DENND2B: variants seen among roughly 807,000 people sequenced by gnomAD.
The protein encoded by DENND2B is DENN domain-containing protein 2B.
DENND2B carries 32 observed loss-of-function variants against 116.0 expected under a neutral mutation model. The observed-to-expected ratio is 0.28, with a 90% confidence interval of 0.21 to 0.37. The LOEUF (loss-of-function observed/expected upper bound fraction) is 0.37. DENND2B is among the 10% of genes least tolerant of loss of function. The pLI, the probability that DENND2B is intolerant of heterozygous loss-of-function variation, is 1.00. For synonymous variants in DENND2B, 588 were observed against 583.9 expected (o/e 1.01, Z -0.10); for missense variants, 1,276 against 1,477.7 (o/e 0.86, Z 2.24).
intron 2 of DENND2B, among the ~76,000 whole-genome samples, chr11:8,747,616 A>G (rs917858803): frequency 2.0e-5 from 3 of 152,230 alleles, no homozygotes; most frequent in Admixed American, 1.3e-4. Context: ...AGTGGGATGC[A>G]GCCATATCTT....
chr11:8,773,799 A>G (rs534619231), intron 1 of DENND2B, among the ~76,000 whole-genome samples: 3 of 150,856 alleles, frequency 2.0e-5, no homozygotes, highest in South Asian at 2.1e-4. Flanking sequence ...GAAAAGGAGG[A>G]AAAAAAAAAT....
chr11:8,859,300 T>C (rs1025737472), intron 2 of DENND2B, among the ~76,000 whole-genome samples: 10 of 146,526 alleles, frequency 6.8e-5, no homozygotes, highest in Admixed American at 1.3e-4. Context: ...GTTTTTTTGT[T>C]TGTTTGTTTG....
chr11:8,856,614 G>T (rs1438806470), intron 3 of DENND2B, among the ~76,000 whole-genome samples: 1 of 152,132 alleles, frequency 6.6e-6, no homozygotes, highest in Admixed American at 6.5e-5. Flanking sequence ...TTGGTTGGAA[G>T]TCCCTGGATG....
At chr11:8,694,769 T>C (rs370344256) in intron 19 of DENND2B, 3 of 357,058 alleles carry the variant, frequency 8.4e-6, no homozygotes, top group South Asian at 2.2e-5. Context: ...CAGTATAATA[T>C]CTATTTACAG....
upstream of DENND2B, among the ~76,000 whole-genome samples, chr11:8,814,702 A>T: frequency 6.6e-6 from 1 of 152,220 alleles, no homozygotes; most frequent in East Asian, 1.9e-4. Flanking sequence ...CTTCCCTCAG[A>T]AGAGTTCCTT....
At chr11:8,725,711 T>C (rs1235161088) in intron 4 of DENND2B, among the ~76,000 whole-genome samples, 2 of 152,242 alleles carry the variant, frequency 1.3e-5, no homozygotes, top group African/African-American at 4.8e-5. Context: ...CATCATGTTA[T>C]AAGAGAAAAA....
At chr11:8,811,475 G>A (rs2061370635), upstream of DENND2B, 1 of 394,804 alleles carries the variant, frequency 2.5e-6, no homozygotes. Flanking sequence ...TAAGGTGCAG[G>A]CTTAGTGGGA....
At chr11:8,746,950 A>G (rs1156356106) in intron 2 of DENND2B, among the ~76,000 whole-genome samples, 2 of 152,226 alleles carry the variant, frequency 1.3e-5, no homozygotes, top group Non-Finnish European at 1.5e-5. Context: ...TCTGTAAATC[A>G]AATGGGTTGG....
rs911381037 is a variant in DENND2B at position 8,726,441 on chromosome 11, A to G, written c.1341-232T>C. 1.8e-5 allele frequency: 8 copies of G among 446,314 alleles called. No individual in the cohort carries two copies. In the South Asian group the frequency reaches 2.9e-4, roughly 16 times the overall value. 27.6% of individuals were successfully genotyped at this position (446,314 alleles called of 1,614,324 possible). On this transcript the variant is annotated intron_variant, in intron 3 of 19. Transcript: ENST00000313726. ...TCCTGAATAATACCGCTATTAGATA[A>G]CAACTACCCCAGCTTAAAAGCATGC...
At chr11:8,896,448 AC>A (rs1488260141) in intron 1 of DENND2B, among the ~76,000 whole-genome samples, 1 of 152,168 alleles carries the variant, frequency 6.6e-6, no homozygotes, top group African/African-American at 2.4e-5. Context: ...AAATACTGTG[AC>A]CTTTTTTAGG....
intron 4 of DENND2B, among the ~76,000 whole-genome samples, chr11:8,838,341 G>C (rs2062507202): frequency 6.6e-6 from 1 of 152,150 alleles, no homozygotes; most frequent in Admixed American, 6.6e-5. Context: ...CCTTGCGCAA[G>C]ATCCCACCAC....
At chr11:8,740,848 T>C (rs2050069366) in intron 2 of DENND2B, among the ~76,000 whole-genome samples, 1 of 152,234 alleles carries the variant, frequency 6.6e-6, no homozygotes, top group Non-Finnish European at 1.5e-5. Context: ...ATTCTGGGGA[T>C]GGCATTCTCA....
At chr11:8,910,710 G>GTGTGTGTT in intron 1 of DENND2B, 1 of 18,736 alleles carries the variant, frequency 5.3e-5, no homozygotes, top group Non-Finnish European at 1.4e-4. Context: ...CTCCTGGCTA[G>GTGTGTGTT]TGTGTGTGTG....
chr11:8,818,290 T>G (rs1021509350), intron 4 of DENND2B, among the ~76,000 whole-genome samples: 3 of 148,384 alleles, frequency 2.0e-5, no homozygotes, highest in Non-Finnish European at 4.5e-5. Context: ...ATAATAGGCT[T>G]TCCAAGCTTA....
At chr11:8,871,388 C>G (rs1420666623), upstream of DENND2B, 1 of 152,218 alleles carries the variant, frequency 6.6e-6, no homozygotes, top group Non-Finnish European at 1.5e-5. Context: ...ACAACGGGGT[C>G]TGAAACTTTA....
chr11:8,712,780 A>G lies in DENND2B; in HGVS notation c.1988-45T>C, dbSNP rs1839142844. The G allele has an allele frequency of 1.9e-6, 3 of 1,567,016 alleles. No individual in the cohort carries two copies. The highest frequency in any genetic ancestry group is 1.2e-5 in the South Asian group (1 of 84,900). On this transcript the variant is annotated intron_variant, in intron 8 of 19. Coordinates refer to ENST00000313726, the MANE Select transcript of DENND2B (RefSeq NM_213618.2). The surrounding 1 kb of genome is among the most constrained non-coding windows in gnomAD (Gnocchi z 4.4). ...CAGGGAATGGACCCTCACAGGCCTC[A>G]TGTTAACTCCTCTACCCCTGGCTCA...
At chr11:8,906,563 C>T (rs904469421) in intron 1 of DENND2B, among the ~76,000 whole-genome samples, 2 of 150,366 alleles carry the variant, frequency 1.3e-5, no homozygotes, top group East Asian at 3.9e-4. Context: ...TATTAAATAT[C>T]TTCCAAATAC....
intron 2 of DENND2B, among the ~76,000 whole-genome samples, chr11:8,740,115 G>A (rs1351893896): frequency 6.6e-6 from 1 of 151,676 alleles, no homozygotes; most frequent in Non-Finnish European, 1.5e-5. Context: ...CTTGAGCCCA[G>A]GAGGTCAAGG....
At chr11:8,882,783 T>C (rs1325764958) in intron 1 of DENND2B, among the ~76,000 whole-genome samples, 2 of 151,976 alleles carry the variant, frequency 1.3e-5, no homozygotes, top group Admixed American at 6.6e-5. Flanking sequence ...AGCCCAGCAG[T>C]TGGAGATCAG....
Sources: gnomAD v4.1 joint callset for allele counts (sites outside exome capture counted in the v4.1 genomes callset) on GRCh38, gnomAD v4.1.1 for gene constraint, Gnocchi (gnomAD v3.1) non-coding constraint, MANE v1.5 for transcripts, NCBI Gene and HGNC (gene_info 2026-07-23, HGNC 2026-07-21) for gene names.